Variants in TMEM255A observed in about 807,000 individuals in gnomAD.
The protein encoded by TMEM255A is transmembrane protein 255A.
TMEM255A carries 14 observed loss-of-function variants against 23.5 expected under a neutral mutation model. The observed-to-expected ratio is 0.60, with a 90% confidence interval of 0.39 to 0.93. The LOEUF (loss-of-function observed/expected upper bound fraction) is 0.93, where lower values mean the gene tolerates loss of function less well. Ranked by LOEUF, TMEM255A falls within the 40% of genes least tolerant of loss-of-function variation. The probability of loss-of-function intolerance (pLI) is 0.00; values close to 1 mark genes in which losing one functional copy is unlikely to be tolerated. For synonymous variants in TMEM255A, 104 were observed against 100.3 expected (o/e 1.04, Z -0.22); for missense variants, 233 against 261.7 (o/e 0.89, Z 0.76).
the TMEM255A span, chrX:120,253,446 G>A: frequency 8.3e-7 from 1 of 1,211,009 alleles, no homozygotes; most frequent in South Asian, 1.8e-5. Context: ...TTCTGCTACA[G>A]ACATTCAGTA....
downstream of TMEM255A, chrX:120,255,725 T>A: frequency 4.0e-6 from 1 of 253,093 alleles, no homozygotes; most frequent in Non-Finnish European, 7.3e-6. Context: ...TTTGAAGCAG[T>A]CTGAATGTTC....
chrX:120,301,589 C>A (rs1168652348), intron 2 of TMEM255A, among the ~76,000 whole-genome samples: 2 of 110,010 alleles, frequency 1.8e-5, no homozygotes, highest in African/African-American at 6.7e-5. Flanking sequence ...CCACCCCCCA[C>A]GGATTCTTTC....
At chrX:120,304,663 G>A (rs192942942) in intron 1 of TMEM255A, among the ~76,000 whole-genome samples, 172 bp from the exon 2 acceptor site, 1 of 111,555 alleles carries the variant, frequency 9.0e-6, no homozygotes, top group Admixed American at 9.5e-5. Context: ...ATTTTTTGTA[G>A]TCATCAGGTG....
chrX:120,255,367 C>A (rs1447086630), downstream of TMEM255A: 1 of 1,209,562 alleles, frequency 8.3e-7, no homozygotes, highest in Non-Finnish European at 1.1e-6. Flanking sequence ...GAAAATGATT[C>A]AATTTTTAAA....
chrX:120,253,969 T>G, downstream of TMEM255A: 1 of 1,178,998 alleles, frequency 8.5e-7, no homozygotes, highest in Non-Finnish European at 1.1e-6. Context: ...AAGATCATTG[T>G]TACCGATTCT....
At chrX:120,275,277 G>A (rs1309965351) in intron 7 of TMEM255A, among the ~76,000 whole-genome samples, 2 of 111,839 alleles carry the variant, frequency 1.8e-5, no homozygotes, top group Non-Finnish European at 3.8e-5. Flanking sequence ...AGAAATGTGC[G>A]GATGAGAGAG....
intron 5 of TMEM255A, among the ~76,000 whole-genome samples, chrX:120,286,722 A>G (rs782751166): frequency 4.5e-5 from 5 of 111,745 alleles, no homozygotes; most frequent in Non-Finnish European, 7.5e-5. Flanking sequence ...GACCCATCCT[A>G]TGTGTGGAAC....
At chrX:120,304,619 C>G (rs1367504548) in intron 1 of TMEM255A, 128 bp from the exon 2 acceptor site, 2 of 625,507 alleles carry the variant, frequency 3.2e-6, no homozygotes, top group Non-Finnish European at 2.4e-6. Context: ...TTGGTGGTGA[C>G]GGGTGGGGGG....
At chrX:120,299,496 T>C (rs782264453) in intron 2 of TMEM255A, among the ~76,000 whole-genome samples, 2 of 109,788 alleles carry the variant, frequency 1.8e-5, no homozygotes, top group Non-Finnish European at 3.8e-5. Flanking sequence ...AAATTTCTTA[T>C]AGAGATGGGG....
At chrX:120,306,462 G>T (rs1425244351) in intron 1 of TMEM255A, among the ~76,000 whole-genome samples, 3 of 111,528 alleles carry the variant, frequency 2.7e-5, no homozygotes, top group Admixed American at 9.5e-5. Flanking sequence ...CTACAGAGGG[G>T]CTCTAACATA....
intron 5 of TMEM255A, among the ~76,000 whole-genome samples, 200 bp from the exon 6 acceptor site, chrX:120,285,415 T>C (rs957940940): frequency 9.0e-6 from 1 of 111,549 alleles, no homozygotes; most frequent in Non-Finnish European, 1.9e-5. Flanking sequence ...GCTGGGCTCA[T>C]GTCCAGCCTC....
chrX:120,271,583 T>C (rs2057761800), intron 7 of TMEM255A, among the ~76,000 whole-genome samples: 1 of 111,304 alleles, frequency 9.0e-6, no homozygotes, highest in African/African-American at 3.3e-5. Flanking sequence ...CTGCAGTTAA[T>C]TGATTTTTGA....
At chrX:120,285,933 T>C (rs782578589) in intron 5 of TMEM255A, 3 of 1,158,608 alleles carry the variant, frequency 2.6e-6, no homozygotes, top group Non-Finnish European at 3.5e-6. Context: ...CCCATCCAGA[T>C]GCAATGAAGT....
the TMEM255A span, among the ~76,000 whole-genome samples, chrX:120,252,045 A>T: frequency 8.9e-6 from 1 of 112,611 alleles, no homozygotes; most frequent in Non-Finnish European, 1.9e-5. Context: ...CCTTTATGGT[A>T]ACCTGGAATT....
intron 8 of TMEM255A, among the ~76,000 whole-genome samples, chrX:120,267,031 T>G (rs190949345): frequency 1.7e-3 from 187 of 112,107 alleles, no homozygotes; most frequent in Middle Eastern, 4.6e-3. Flanking sequence ...CTCAAGGTCA[T>G]CGCCAAGGTC....
intron 2 of TMEM255A, among the ~76,000 whole-genome samples, chrX:120,299,967 A>T (rs782272217): frequency 1.8e-5 from 2 of 110,989 alleles, no homozygotes; most frequent in South Asian, 7.7e-4. Context: ...CAATTAACTG[A>T]CTCTCCTACC....
chrX:120,296,968 AATATTATAT>A lies in TMEM255A; in HGVS notation c.202-2926_202-2918del, dbSNP rs1307113462. Reference sequence around the variant, plus strand: ...TATATATATATTATATATAATATATAATATTATATATATTATATATATATTATATATAAT... The same window carrying A: ...TATATATATATTATATATAATATATAATATTATATATATATTATATATAAT... On this transcript the variant is annotated intron_variant, in intron 2 of 8. Transcript: ENST00000371369. 2.4e-3 allele frequency among the ~76,000 whole-genome samples: 4 copies of A among 1,655 alleles called. 1 individual carries two copies. Among genetic ancestry groups the A allele is most frequent in the African/African-American group, 0.019 (4 of 207 alleles). 1.4% of individuals were successfully genotyped at this position (1,655 alleles called of 115,157 possible).
chrX:120,254,778 G>A, downstream of TMEM255A: 3 of 1,211,778 alleles, frequency 2.5e-6, no homozygotes, highest in Non-Finnish European at 3.4e-6. Flanking sequence ...CCCTGATGAA[G>A]GGGAGGCCAG....
chrX:120,271,421 A>G (rs1274767725), intron 7 of TMEM255A, among the ~76,000 whole-genome samples: 2 of 111,997 alleles, frequency 1.8e-5, no homozygotes, highest in Non-Finnish European at 3.8e-5. Context: ...CTCACAAAGT[A>G]GTAATAGTGA....
Sources: allele counts gnomAD v4.1 joint callset (sites outside exome capture counted in the v4.1 genomes callset), GRCh38; gene constraint gnomAD v4.1.1; transcripts MANE v1.5; gene names NCBI Gene and HGNC (gene_info 2026-07-23, HGNC 2026-07-21).